Variants in ZNF407 observed in about 807,000 individuals in gnomAD.
The protein encoded by ZNF407 is zinc finger protein 407.
In ZNF407, 17 loss-of-function variants were observed where a neutral mutation model predicts 131.2. The observed-to-expected ratio is 0.13, with a 90% CI of 0.09 to 0.19. The LOEUF (loss-of-function observed/expected upper bound fraction) is 0.19, where lower values mean the gene tolerates loss of function less well. Among genes scored for constraint, ZNF407 ranks in the 10% least tolerant of loss-of-function variants. ZNF407 has a pLI of 1.00. For missense variants in ZNF407, 2,681 were observed against 2,830.6 expected (o/e 0.95, Z 1.20); for synonymous variants, 1,156 against 1,062.0 (o/e 1.09, Z -1.72).
intron 4 of ZNF407, among the ~76,000 whole-genome samples, chr18:74,790,941 A>G (rs1298251239): frequency 6.6e-6 from 1 of 152,212 alleles, no homozygotes; most frequent in African/African-American, 2.4e-5. Context: ...GGACACAGGA[A>G]GTGTTTACAT....
chr18:74,955,373 G>A (rs1942630326), intron 8 of ZNF407, among the ~76,000 whole-genome samples: 1 of 152,130 alleles, frequency 6.6e-6, no homozygotes, highest in South Asian at 2.1e-4. Context: ...ACCTAGATTT[G>A]GTAGAGGACA....
intron 8 of ZNF407, among the ~76,000 whole-genome samples, chr18:75,025,055 TGACAGCTTC>T (rs1369830126): frequency 5.3e-5 from 8 of 152,376 alleles, no homozygotes; most frequent in African/African-American, 1.9e-4. Flanking sequence ...TTTGCACATG[TGACAGCTTC>T]AACAGCCGTC....
chr18:74,627,041 G>A (rs1006632176), intron 1 of ZNF407, among the ~76,000 whole-genome samples: 4 of 151,992 alleles, frequency 2.6e-5, no homozygotes, highest in Non-Finnish European at 4.4e-5. Context: ...TATGGCCTTC[G>A]TACTTTCTTA....
intron 4 of ZNF407, among the ~76,000 whole-genome samples, chr18:74,849,052 C>CTTTTTTTTTTTTGTT (rs1970741548): frequency 8.1e-6 from 1 of 122,946 alleles, no homozygotes; most frequent in Non-Finnish European, 1.7e-5. Context: ...ACTTTTGTTT[C>CTTTTTTTTTTTTGTT]TTTTTTTTTT....
intron 8 of ZNF407, among the ~76,000 whole-genome samples, chr18:75,042,858 A>G (rs1973389716): frequency 6.6e-6 from 1 of 151,968 alleles, no homozygotes; most frequent in Admixed American, 6.6e-5. Context: ...CTTCATTCCC[A>G]TTGCTGCACA....
chr18:74,871,788 G>A (rs1159186151), intron 4 of ZNF407, among the ~76,000 whole-genome samples: 3 of 151,214 alleles, frequency 2.0e-5, no homozygotes, highest in African/African-American at 7.3e-5. Context: ...AAAATATTTT[G>A]AATTACAAAA....
chr18:74,684,676 C>G, intron 3 of ZNF407, among the ~76,000 whole-genome samples: 1 of 152,206 alleles, frequency 6.6e-6, no homozygotes. Flanking sequence ...AGTTTAATCA[C>G]AGTTCATGGA....
chr18:74,788,357 A>G (rs1282086205), intron 4 of ZNF407, among the ~76,000 whole-genome samples: 4 of 152,116 alleles, frequency 2.6e-5, no homozygotes, highest in Non-Finnish European at 5.9e-5. Context: ...CATCCCTGTG[A>G]TTAGGCATAT....
At chr18:74,730,554 C>T (rs576939121) in intron 3 of ZNF407, among the ~76,000 whole-genome samples, 6 of 152,036 alleles carry the variant, frequency 3.9e-5, no homozygotes, top group Non-Finnish European at 5.9e-5. Context: ...TGGTTCAGGT[C>T]GCTGCTACTT....
In ZNF407 at chr18:74,825,984, G is replaced by A. The variant is rs527776110; in HGVS notation, c.4877+44482G>A. Among the ~76,000 whole-genome samples the A allele has an allele frequency of 1.8e-3, 281 of 152,238 alleles. 1 individual carries two copies. The highest frequency in any genetic ancestry group is 4.3e-3 in the Admixed American group (65 of 15,290). On this transcript the variant is annotated intron_variant, in intron 4 of 8. Coordinates refer to ENST00000299687, the MANE Select transcript of ZNF407 (RefSeq NM_017757.3). ...CCTAACCACATACACTAAACTGTTT[G>A]GCTACAGAATTTTTACTTTTTAATC... is the stretch of plus-strand genomic sequence containing the variant.
intron 2 of ZNF407, among the ~76,000 whole-genome samples, chr18:74,637,070 A>G (rs1984497846): frequency 6.6e-6 from 1 of 152,228 alleles, no homozygotes; most frequent in Admixed American, 6.5e-5. Context: ...GTTGCTTATA[A>G]TTGATGTGTC....
chr18:74,708,787 T>C lies in ZNF407; in HGVS notation c.4802+67665T>C, dbSNP rs376200123. Among the ~76,000 whole-genome samples, 4 of 152,334 alleles carry C rather than the reference T, an allele frequency of 2.6e-5. No homozygotes were observed. In the East Asian group the frequency reaches 7.7e-4, roughly 29 times the overall value. On this transcript the variant is annotated intron_variant, in intron 3 of 8. Coordinates refer to ENST00000299687, the MANE Select transcript of ZNF407 (RefSeq NM_017757.3). ...GCGGCTTGATTGGTGAGGATTTACA[T>C]GTGTGCTAATTAGAGTGGAATAAAT... is the stretch of plus-strand genomic sequence containing the variant.
chr18:75,017,543 A>G (rs942708683), intron 8 of ZNF407, among the ~76,000 whole-genome samples: 3 of 152,152 alleles, frequency 2.0e-5, no homozygotes, highest in African/African-American at 7.2e-5. Flanking sequence ...ACCCTATGCC[A>G]TTCCTCAAGG....
At chr18:74,762,711 T>A (rs528588) in intron 3 of ZNF407, among the ~76,000 whole-genome samples, 23,903 of 151,956 alleles carry the variant, frequency 0.16, 3,571 homozygotes, top group African/African-American at 0.39. Flanking sequence ...TTTTTTTTTT[T>A]AAAATCATCA....
In ZNF407 at chr18:75,019,383, A is replaced by G. The variant is rs116577686; in HGVS notation, c.5429-43767A>G. ...GGCAGTGCGACTTGAAAGTGTGCGC[A>G]GTGGTCCTCCTCCCCATATCCATGG... On this transcript the variant is annotated intron_variant, in intron 8 of 8. Transcript: ENST00000299687. 3.5e-3 allele frequency among the ~76,000 whole-genome samples: 533 copies of G among 152,316 alleles called. 3 individuals are homozygous for G. The highest frequency in any genetic ancestry group is 0.012 in the African/African-American group (488 of 41,582).
intron 3 of ZNF407, among the ~76,000 whole-genome samples, chr18:74,712,509 A>C (rs1349339148): frequency 6.6e-6 from 1 of 152,186 alleles, no homozygotes; most frequent in Non-Finnish European, 1.5e-5. Context: ...AAGCCATCCA[A>C]GTGGTCACAT....
intron 7 of ZNF407, among the ~76,000 whole-genome samples, chr18:74,891,446 G>T (rs975202604): frequency 6.6e-6 from 1 of 152,092 alleles, no homozygotes; most frequent in Non-Finnish European, 1.5e-5. Flanking sequence ...TAGCCTACGC[G>T]TTTAGCAAAT....
At chr18:74,646,084 A>G (rs908844621) in intron 3 of ZNF407, among the ~76,000 whole-genome samples, 1 of 152,226 alleles carries the variant, frequency 6.6e-6, no homozygotes, top group Non-Finnish European at 1.5e-5. Flanking sequence ...CACAAGTGGC[A>G]AAAATTAGTA....
intron 6 of ZNF407, among the ~76,000 whole-genome samples, chr18:74,885,592 A>G (rs374666410): frequency 1.2e-4 from 19 of 152,352 alleles, no homozygotes; most frequent in African/African-American, 4.1e-4. Context: ...TAAAGTTACA[A>G]TAATGAAATC....
Sources: allele counts gnomAD v4.1 joint callset (sites outside exome capture counted in the v4.1 genomes callset), GRCh38; gene constraint gnomAD v4.1.1; transcripts MANE v1.5; gene names NCBI Gene and HGNC (gene_info 2026-07-23, HGNC 2026-07-21).